SEL1L2: variants seen among roughly 807,000 people sequenced by gnomAD.
SEL1L2 encodes the protein SEL1L2 adaptor subunit of SYVN1 ubiquitin ligase.
A neutral mutation model predicts 98.8 loss-of-function variants in SEL1L2; 89 were observed. That is an observed-to-expected ratio of 0.90 (90% confidence interval 0.76 to 1.07). The LOEUF (loss-of-function observed/expected upper bound fraction) is 1.07. SEL1L2 is among the 50% of genes least tolerant of loss of function. The probability of loss-of-function intolerance (pLI) is 0.00; values close to 1 mark genes in which losing one functional copy is unlikely to be tolerated. For synonymous variants in SEL1L2, 262 were observed against 278.5 expected (o/e 0.94, Z 0.59); for missense variants, 788 against 812.0 (o/e 0.97, Z 0.36).
At chr20:13,856,410 G>A (rs150813488) in intron 18 of SEL1L2, among the ~76,000 whole-genome samples, 6 of 152,292 alleles carry the variant, frequency 3.9e-5, no homozygotes, top group South Asian at 4.1e-4. Flanking sequence ...GATCACAGGC[G>A]TGAGCCACCA....
chr20:13,870,092 A>T, intron 13 of SEL1L2, 49 bp downstream of exon 13: 1 of 1,326,798 alleles, frequency 7.5e-7, no homozygotes, highest in Non-Finnish European at 1.1e-6. Context: ...CATGAATTTT[A>T]CCCTGTAAAT....
chr20:13,921,528 A>G (rs543261157), intron 3 of SEL1L2, among the ~76,000 whole-genome samples: 1 of 152,138 alleles, frequency 6.6e-6, no homozygotes, highest in African/African-American at 2.4e-5. Flanking sequence ...TTTCTTTACT[A>G]TAAGAGGGTC....
At chr20:13,875,949 G>A in intron 12 of SEL1L2, 89 bp downstream of exon 12, 1 of 991,454 alleles carries the variant, frequency 1.0e-6, no homozygotes, top group Non-Finnish European at 1.6e-6. Context: ...TCTGGGCTTG[G>A]GACTTCGAAG....
intron 5 of SEL1L2, among the ~76,000 whole-genome samples, chr20:13,897,810 A>C (rs1294443731): frequency 6.6e-6 from 1 of 152,138 alleles, no homozygotes; most frequent in African/African-American, 2.4e-5. Flanking sequence ...GGTTGAAGTG[A>C]GCCAAGATCG....
rs372084535 is a variant in SEL1L2 at position 13,849,493 on chromosome 20, G to A, written c.2059C>T (p.His687Tyr). The A allele has an allele frequency of 6.2e-7, 1 of 1,613,808 alleles. No homozygotes were observed. Among genetic ancestry groups the A allele is most frequent in the African/African-American group, 1.3e-5 (1 of 74,902 alleles). ...TTCCTGTGATCCGCATCCTACCCAT[G>A]GTGATTTCTAAGCAACAAAATCAGC... ...PGLILLLRNH[H>Y]G The change falls in exon 20 of 20, where the codon CAT (histidine) becomes TAT (tyrosine). Residue 687 changes from histidine to tyrosine, a missense_variant. His to Tyr is a moderately conservative substitution (Grantham distance 83, BLOSUM62 2). Coordinates refer to ENST00000284951, the MANE Select transcript of SEL1L2 (RefSeq NM_025229.2).
Position 13,931,595 on chromosome 20 carries a change from C to T in SEL1L2, c.283+8G>A. The T allele has an allele frequency of 7.6e-7, 1 of 1,323,478 alleles. No homozygotes were observed. Among genetic ancestry groups the T allele is most frequent in the South Asian group, 1.5e-5 (1 of 67,214 alleles). 82.0% of individuals were successfully genotyped at this position (1,323,478 alleles called of 1,614,324 possible). On this transcript the variant is annotated splice_region_variant and intron_variant, in intron 3 of 19. Transcript: ENST00000284951. Reference sequence around the variant, plus strand: ...TTAAATTTACATGTGAAAAGATATTCTACTTACAATGATTCTTATTTCTCT... The same window carrying T: ...TTAAATTTACATGTGAAAAGATATTTTACTTACAATGATTCTTATTTCTCT...
At chr20:13,894,341 T>A (rs1354719164) in intron 5 of SEL1L2, among the ~76,000 whole-genome samples, 1 of 152,052 alleles carries the variant, frequency 6.6e-6, no homozygotes, top group Non-Finnish European at 1.5e-5. Context: ...GGGTGGATCA[T>A]CTGAGGTCAG....
chr20:13,888,109 T>C (rs147652279), intron 6 of SEL1L2, 108 bp from the exon 7 acceptor site: 4 of 872,224 alleles, frequency 4.6e-6, no homozygotes, highest in Middle Eastern at 2.3e-4. Flanking sequence ...TAATGACCCA[T>C]TGAGTTACTC....
chr20:13,855,385 T>C lies in SEL1L2; in HGVS notation c.1818+3877A>G, dbSNP rs115099319. Among the ~76,000 whole-genome samples the C allele has an allele frequency of 1.1e-3, 163 of 152,268 alleles. 1 individual carries two copies. Among genetic ancestry groups the C allele is most frequent in the African/African-American group, 3.7e-3 (153 of 41,538 alleles). ...AGATTCTTTTTATTTGTATGTTTGC[T>C]TGTTTGTATTTTTTGGCGGTTTTAT... On this transcript the variant is annotated intron_variant, in intron 18 of 19. Coordinates refer to ENST00000284951, the MANE Select transcript of SEL1L2 (RefSeq NM_025229.2).
At chr20:13,868,016 T>C (rs2046006476) in intron 14 of SEL1L2, among the ~76,000 whole-genome samples, 1 of 152,130 alleles carries the variant, frequency 6.6e-6, no homozygotes, top group Non-Finnish European at 1.5e-5. Flanking sequence ...GGTATGTTCA[T>C]ATCTCCTGGT....
intron 1 of SEL1L2, among the ~76,000 whole-genome samples, chr20:13,959,371 C>T (rs1410718167): frequency 3.3e-5 from 5 of 152,040 alleles, no homozygotes; most frequent in African/African-American, 9.7e-5. Context: ...GGTCTGCTGC[C>T]GGTCTCATCC....
chr20:13,954,140 A>G (rs2050403554), intron 2 of SEL1L2, among the ~76,000 whole-genome samples: 1 of 152,120 alleles, frequency 6.6e-6, no homozygotes, highest in African/African-American at 2.4e-5. Flanking sequence ...TCGTAAAGCC[A>G]GAAAGAGAGA....
chr20:13,935,257 G>A lies in SEL1L2; in HGVS notation c.115-3486C>T, dbSNP rs538882903. The stretch of plus-strand genomic sequence containing the variant: ...CAGAGATTAAATAATTTAATAACAA[G>A]CATTTTTGGAGCATTGCTCTCAGTC... On this transcript the variant is annotated intron_variant, in intron 2 of 19. Coordinates refer to ENST00000284951, the MANE Select transcript of SEL1L2 (RefSeq NM_025229.2). Among the ~76,000 whole-genome samples, 41 of 152,288 alleles carry A rather than the reference G, an allele frequency of 2.7e-4. No individual in the cohort carries two copies. In the South Asian group the frequency reaches 8.1e-3, roughly 30 times the overall value.
At chr20:13,889,159 A>G (rs921752647) in intron 5 of SEL1L2, among the ~76,000 whole-genome samples, 3 of 149,950 alleles carry the variant, frequency 2.0e-5, no homozygotes, top group Non-Finnish European at 3.0e-5. Context: ...GGGTTTCACC[A>G]TGTTGGCCAG....
At chr20:13,945,866 G>T (rs895610202) in intron 2 of SEL1L2, among the ~76,000 whole-genome samples, 1 of 151,922 alleles carries the variant, frequency 6.6e-6, no homozygotes, top group African/African-American at 2.4e-5. Flanking sequence ...TGTAGAAAAA[G>T]AATTTGACAA....
intron 18 of SEL1L2, among the ~76,000 whole-genome samples, chr20:13,852,784 A>G (rs6134992): frequency 0.078 from 11,828 of 152,312 alleles, 506 homozygotes; most frequent in East Asian, 0.15. Context: ...CTTCTGCAGT[A>G]AAATAGCTGG....
chr20:13,908,437 A>C (rs1264191723), intron 5 of SEL1L2, among the ~76,000 whole-genome samples: 2 of 152,152 alleles, frequency 1.3e-5, no homozygotes, highest in Admixed American at 6.6e-5. Context: ...TTTGACTCTT[A>C]AAGCAAATGA....
At chr20:13,870,027 TCA>T in intron 13 of SEL1L2, 112 bp downstream of exon 13, 1 of 717,564 alleles carries the variant, frequency 1.4e-6, no homozygotes, top group Middle Eastern at 2.9e-4. Context: ...TTATCTGATA[TCA>T]CAGTTTGGCA....
At chr20:13,962,443 G>A (rs1456876405) in intron 1 of SEL1L2, among the ~76,000 whole-genome samples, 2 of 152,140 alleles carry the variant, frequency 1.3e-5, no homozygotes, top group African/African-American at 2.4e-5. Flanking sequence ...AGACCATGTG[G>A]ACAGAGAGGC....
Sources: gnomAD v4.1 joint callset for allele counts (sites outside exome capture counted in the v4.1 genomes callset) on GRCh38, gnomAD v4.1.1 for gene constraint, MANE v1.5 for transcripts, NCBI Gene and HGNC (gene_info 2026-07-23, HGNC 2026-07-21) for gene names.